The following PTPRG variants were observed in gnomAD, a reference collection of about 807,000 sequenced individuals.
PTPRG encodes the protein protein tyrosine phosphatase receptor type G.
A neutral mutation model predicts 165.3 loss-of-function variants in PTPRG; 102 were observed. The observed-to-expected ratio is 0.62, with a 90% CI of 0.53 to 0.73. The LOEUF is 0.73. Among genes scored for constraint, PTPRG ranks in the 30% least tolerant of loss-of-function variants. The probability of loss-of-function intolerance (pLI) is 0.00; values close to 1 mark genes in which losing one functional copy is unlikely to be tolerated. For synonymous variants in PTPRG, 675 were observed against 669.5 expected (o/e 1.01, Z -0.13); for missense variants, 1,866 against 1,861.4 (o/e 1.00, Z -0.05).
At chr3:61,964,125 C>A (rs2040215997) in intron 2 of PTPRG, among the ~76,000 whole-genome samples, 1 of 152,172 alleles carries the variant, frequency 6.6e-6, no homozygotes, top group South Asian at 2.1e-4. Context: ...GTGGAATTTG[C>A]TTCAGAAGGT....
intron 1 of PTPRG, among the ~76,000 whole-genome samples, chr3:61,720,071 T>G (rs1375360095): frequency 6.6e-6 from 1 of 152,218 alleles, no homozygotes; most frequent in East Asian, 1.9e-4. Context: ...TGTTCATTAT[T>G]TATCCCTCCT....
At chr3:61,803,137 A>G (rs1432701027) in intron 2 of PTPRG, among the ~76,000 whole-genome samples, 1 of 152,158 alleles carries the variant, frequency 6.6e-6, no homozygotes, top group African/African-American at 2.4e-5. Flanking sequence ...CTTACAGAAA[A>G]TTTGCTGTGA....
intron 2 of PTPRG, among the ~76,000 whole-genome samples, chr3:61,804,140 C>G (rs1263387674): frequency 6.6e-6 from 1 of 152,216 alleles, no homozygotes; most frequent in Non-Finnish European, 1.5e-5. Context: ...GCAGTCCTCT[C>G]TATTGGTTTT....
intron 5 of PTPRG, 124 bp downstream of exon 5, chr3:62,078,382 T>C: frequency 1.6e-6 from 1 of 627,668 alleles, no homozygotes; most frequent in Non-Finnish European, 2.7e-6. Flanking sequence ...ATGAAAGATA[T>C]TTCATATTGT....
chr3:61,816,991 A>AT (rs1257674648), intron 2 of PTPRG, among the ~76,000 whole-genome samples: 2 of 129,314 alleles, frequency 1.5e-5, no homozygotes, highest in Admixed American at 9.2e-5. Context: ...TATATTATAT[A>AT]TATATTATAT....
chr3:62,151,156 G>A (rs961243046), intron 6 of PTPRG, among the ~76,000 whole-genome samples: 5 of 152,122 alleles, frequency 3.3e-5, no homozygotes, highest in Non-Finnish European at 7.4e-5. Context: ...GTAAGAAATT[G>A]AACAGAATCA....
intron 4 of PTPRG, among the ~76,000 whole-genome samples, chr3:62,028,720 G>T (rs575913594): frequency 6.6e-6 from 1 of 152,310 alleles, no homozygotes; most frequent in African/African-American, 2.4e-5. Flanking sequence ...TTAAAATATA[G>T]GAGTGTCTAA....
chr3:61,654,954 G>GT (rs1702468532), intron 1 of PTPRG, among the ~76,000 whole-genome samples: 1 of 150,502 alleles, frequency 6.6e-6, no homozygotes, highest in African/African-American at 2.5e-5. Flanking sequence ...GCTACTTTTT[G>GT]TATTTTTTTT....
intron 29 of PTPRG, 172 bp downstream of exon 29, chr3:62,292,728 C>T: frequency 1.5e-6 from 1 of 681,356 alleles, no homozygotes; most frequent in Admixed American, 3.0e-5. Context: ...CTAGAGGATA[C>T]AAGCCAGAGA....
At chr3:61,619,867 T>A (rs1701400700) in intron 1 of PTPRG, among the ~76,000 whole-genome samples, 1 of 152,160 alleles carries the variant, frequency 6.6e-6, no homozygotes, top group Non-Finnish European at 1.5e-5. Flanking sequence ...GTCTAGCTTT[T>A]TTTGGGTAAA....
chr3:61,984,971 A>G (rs552675988), intron 2 of PTPRG, among the ~76,000 whole-genome samples: 1 of 152,252 alleles, frequency 6.6e-6, no homozygotes, highest in Admixed American at 6.5e-5. Flanking sequence ...TGGAAAGAAT[A>G]CCACGGAGGT....
chr3:62,093,618 A>T (rs557509253), intron 5 of PTPRG, among the ~76,000 whole-genome samples: 151 of 152,300 alleles, frequency 9.9e-4, no homozygotes, highest in African/African-American at 2.8e-3. Context: ...CCTCCCTTGG[A>T]GATGAGCATG....
At chr3:62,196,106 G>T (rs1699955718) in intron 10 of PTPRG, among the ~76,000 whole-genome samples, 1 of 150,996 alleles carries the variant, frequency 6.6e-6, no homozygotes, top group African/African-American at 2.4e-5. Context: ...TTTTTTAAAA[G>T]CAAAATTAGG....
At position 61,618,051 on chromosome 3, in the gene PTPRG, G is replaced by A. The variant is rs145533513; in HGVS notation, c.85+55679G>A. ...ACAAAGCGGCCAGGTGGTACTTGGA[G>A]AATCTTAGTATTTAGTGTGGTGGAA... On this transcript the variant is annotated intron_variant, in intron 1 of 29. Transcript: ENST00000474889. Among the ~76,000 whole-genome samples the A allele has an allele frequency of 1.7e-3, 264 of 152,294 alleles. 3 individuals carry two copies. Among genetic ancestry groups the A allele is most frequent in the African/African-American group, 6.1e-3 (255 of 41,574 alleles).
chr3:61,727,128 T>C (rs932244070), intron 1 of PTPRG, among the ~76,000 whole-genome samples: 1 of 152,166 alleles, frequency 6.6e-6, no homozygotes, highest in Non-Finnish European at 1.5e-5. Context: ...GCTGTAGTTT[T>C]GAATGCAGGA....
At chr3:61,682,009 G>A (rs983127217) in intron 1 of PTPRG, among the ~76,000 whole-genome samples, 1 of 151,904 alleles carries the variant, frequency 6.6e-6, no homozygotes, top group Non-Finnish European at 1.5e-5. Context: ...AATTAGCCAG[G>A]CGTGGGGTGC....
Position 62,296,494 on chromosome 3 carries a change from TAAAAAA to T in PTPRG, c.*3192_*3197del, listed in dbSNP as rs372878928. The T allele has an allele frequency of 1.4e-5, 2 of 147,526 alleles. No homozygotes were observed. Among genetic ancestry groups the T allele is most frequent in the East Asian group, 3.9e-4 (2 of 5,086 alleles). The allele number at this position is 147,526 out of a possible 1,614,324, so 9.1% of individuals were successfully genotyped here. A position where few individuals can be genotyped will look rare whatever the true frequency, so the allele number is the denominator to read the frequency against. ...ACATATTACTAATTCTAAGCAAAAC[TAAAAAA>T]AAAACCCAACTCATCATAATTTAAG... On this transcript the variant is annotated 3_prime_UTR_variant, in exon 30 of 30. Coordinates refer to ENST00000474889, the MANE Select transcript of PTPRG (RefSeq NM_002841.4).
intron 4 of PTPRG, among the ~76,000 whole-genome samples, chr3:62,019,025 C>T (rs527267083): frequency 7.3e-4 from 111 of 152,230 alleles, no homozygotes; most frequent in Middle Eastern, 3.4e-3. Flanking sequence ...AGAATGAAAC[C>T]AGGACCTGCA....
intron 2 of PTPRG, among the ~76,000 whole-genome samples, chr3:61,781,146 G>T (rs2034533167): frequency 6.6e-6 from 1 of 152,214 alleles, no homozygotes; most frequent in South Asian, 2.1e-4. Flanking sequence ...TCTGTAGGAG[G>T]AAAGATGCCT....
Sources: allele counts gnomAD v4.1 joint callset (sites outside exome capture counted in the v4.1 genomes callset), GRCh38; gene constraint gnomAD v4.1.1; transcripts MANE v1.5; gene names NCBI Gene and HGNC (gene_info 2026-07-23, HGNC 2026-07-21).